The following FREM1 variants were observed in gnomAD, a reference collection of about 807,000 sequenced individuals.
The protein encoded by FREM1 is FRAS1 related extracellular matrix 1.
A neutral mutation model predicts 210.1 loss-of-function variants in FREM1; 220 were observed. The observed-to-expected ratio is 1.05, with a 90% confidence interval of 0.94 to 1.17. The LOEUF (loss-of-function observed/expected upper bound fraction) is 1.17. Ranked by LOEUF, FREM1 falls within the 50% of genes most tolerant of loss-of-function variation. The pLI is 0.00. For missense variants in FREM1, 3,454 were observed against 2,675.5 expected (o/e 1.29, Z -6.42); for synonymous variants, 1,189 against 980.2 (o/e 1.21, Z -3.98).
At chr9:14,824,167 G>C in intron 11 of FREM1, 52 bp from the exon 12 acceptor site, 1 of 1,135,848 alleles carries the variant, frequency 8.8e-7, no homozygotes, top group Non-Finnish European at 1.3e-6. Context: ...TAAGAAAAAT[G>C]AAATCGAATA....
chr9:14,784,665 T>A, intron 23 of FREM1, 31 bp from the exon 24 acceptor site: 2 of 1,463,764 alleles, frequency 1.4e-6, no homozygotes, highest in South Asian at 1.6e-5. Context: ...TGGTCAATAA[T>A]CATATCAAAA....
intron 1 of FREM1, among the ~76,000 whole-genome samples, chr9:14,894,304 A>C: frequency 6.6e-6 from 1 of 152,362 alleles, no homozygotes; most frequent in East Asian, 1.9e-4. Flanking sequence ...AAATTGTTGT[A>C]TGCCACAGAA....
chr9:14,880,826 C>A (rs1476693909), intron 1 of FREM1, among the ~76,000 whole-genome samples: 1 of 152,070 alleles, frequency 6.6e-6, no homozygotes, highest in Non-Finnish European at 1.5e-5. Flanking sequence ...GCAAAGCAAT[C>A]CTATCTCAGA....
At chr9:14,771,310 G>C (rs1235942543) in intron 25 of FREM1, among the ~76,000 whole-genome samples, 2 of 151,974 alleles carry the variant, frequency 1.3e-5, no homozygotes, top group African/African-American at 4.8e-5. Context: ...AATTTTTTTG[G>C]CATGTCTTTT....
At chr9:14,823,704 T>G (rs1426144182) in intron 12 of FREM1, among the ~76,000 whole-genome samples, 1 of 152,158 alleles carries the variant, frequency 6.6e-6, no homozygotes, top group Non-Finnish European at 1.5e-5. Flanking sequence ...ACTAATACAG[T>G]AAGATACTGA....
intron 27 of FREM1, among the ~76,000 whole-genome samples, chr9:14,763,762 A>G (rs866776382): frequency 6.6e-6 from 1 of 152,224 alleles, no homozygotes. Flanking sequence ...ATTTTTCCAG[A>G]GCATGTACCA....
chr9:14,757,722 T>C (rs1295545880), intron 28 of FREM1, among the ~76,000 whole-genome samples: 1 of 152,200 alleles, frequency 6.6e-6, no homozygotes, highest in Non-Finnish European at 1.5e-5. Context: ...AAGTGCATAA[T>C]GAAAAGCTGA....
rs528869088 is a variant in FREM1 at position 14,836,130 on chromosome 9, C to T, written c.1881+5317G>A. Among the ~76,000 whole-genome samples the T allele has an allele frequency of 2.0e-5, 3 of 152,286 alleles. No homozygotes were observed. The highest frequency in any genetic ancestry group is 2.1e-4 in the South Asian group (1 of 4,822). On this transcript the variant is annotated intron_variant, in intron 10 of 36. Transcript: ENST00000380880. This position sits in a 1 kb window ranked among gnomAD's most constrained non-coding sequence, Gnocchi z 4.9. The stretch of plus-strand genomic sequence containing the variant: ...TAAAACCAAGGAACTTCATAGACCC[C>T]CAAAGGGGAGTTCTCTATCTTGGCA...
At position 14,757,384 on chromosome 9, in the gene FREM1, G is replaced by A. The variant is rs568352956; in HGVS notation, c.5335-938C>T. ...AACCTGGCCAACATGGTGAAACCCC[G>A]TCTCTACCAAAAACAAAAAAATTGG... On this transcript the variant is annotated intron_variant, in intron 28 of 36. Transcript: ENST00000380880. 2.6e-5 allele frequency among the ~76,000 whole-genome samples: 4 copies of A among 152,158 alleles called. No individual in the cohort carries two copies. The South Asian group carries it at 6.2e-4, about 24-fold the overall frequency.
intron 19 of FREM1, among the ~76,000 whole-genome samples, chr9:14,802,666 G>A (rs1182394619): frequency 6.6e-6 from 1 of 151,966 alleles, no homozygotes; most frequent in Non-Finnish European, 1.5e-5. Context: ...AGGATTGAGA[G>A]AACAAAAAAG....
At chr9:14,759,049 T>A (rs1243818769) in intron 28 of FREM1, among the ~76,000 whole-genome samples, 1 of 152,102 alleles carries the variant, frequency 6.6e-6, no homozygotes, top group East Asian at 1.9e-4. Context: ...GGACTGAAAT[T>A]TGCTCTGGGT....
intron 12 of FREM1, 23 bp downstream of exon 12, chr9:14,824,002 A>T: frequency 6.8e-7 from 1 of 1,470,540 alleles, no homozygotes; most frequent in African/African-American, 1.4e-5. Context: ...CATGTTTGTC[A>T]GCATTTTAGC....
intron 16 of FREM1, among the ~76,000 whole-genome samples, chr9:14,810,961 C>T (rs750957708): frequency 6.6e-6 from 1 of 152,066 alleles, no homozygotes; most frequent in Non-Finnish European, 1.5e-5. Context: ...TAAAGTAATG[C>T]TAATAAAATT....
chr9:14,842,523 G>A lies in FREM1; in HGVS notation c.1531C>T (p.Pro511Ser). ...TCATCTTTGGGCAAGACGTTGATGG[G>A]GAATTTGTGACGGATGCTGTGATGG... ...DGHHSIRHKF[P>S]INVLPKDDSP... Residue 511 changes from proline to serine, a missense_variant, in exon 9 of 37, where the codon CCC becomes TCC. By Grantham distance (74) the Pro-to-Ser change is moderately conservative (BLOSUM62 -1). Coordinates refer to ENST00000380880, the MANE Select transcript of FREM1 (RefSeq NM_001379081.2). The A allele has an allele frequency of 1.2e-6, 2 of 1,614,002 alleles. No homozygotes were observed. Among genetic ancestry groups the A allele is most frequent in the Non-Finnish European group, 1.7e-6 (2 of 1,179,880 alleles).
Position 14,823,323 on chromosome 9 carries a change from G to C in FREM1, c.2174C>G (p.Ala725Gly). 5 of 1,612,828 alleles carry C rather than the reference G, an allele frequency of 3.1e-6. No individual in the cohort carries two copies. Among genetic ancestry groups the C allele is most frequent in the Non-Finnish European group, 4.2e-6 (5 of 1,179,146 alleles). Residue 725 changes from alanine to glycine, a missense_variant, in exon 13 of 37, where the codon GCT (alanine) becomes GGT (glycine). Ala to Gly is a moderately conservative substitution (Grantham distance 60). Coordinates refer to ENST00000380880, the MANE Select transcript of FREM1 (RefSeq NM_001379081.2). ...ALELRSFTQH[A>G]VNYMKVAYMP... ...GTAGGCCACTTTCATATAGTTCACA[G>C]CATGCTGCAAAGTAAGTTGAGATGG... is the stretch of plus-strand genomic sequence containing the variant.
chr9:14,801,213 G>A (rs181376023), intron 20 of FREM1, among the ~76,000 whole-genome samples: 1 of 152,144 alleles, frequency 6.6e-6, no homozygotes, highest in Admixed American at 6.5e-5. Context: ...GGCCAGGCTG[G>A]TGTCAAATTC....
intron 23 of FREM1, 101 bp from the exon 24 acceptor site, chr9:14,784,735 A>G: frequency 1.3e-6 from 1 of 763,610 alleles, no homozygotes; most frequent in Non-Finnish European, 1.9e-6. Context: ...AAAAATCAAA[A>G]TTAATACGAC....
intron 26 of FREM1, 46 bp from the exon 27 acceptor site, chr9:14,769,914 T>C (rs1406855432): frequency 1.0e-6 from 1 of 986,246 alleles, no homozygotes; most frequent in Non-Finnish European, 1.5e-6. Context: ...AAACAAAACA[T>C]TAAATAAAAG....
In FREM1 at chr9:14,787,349, C is replaced by A. The variant is rs116843593; in HGVS notation, c.4177+1570G>T. ...AGAAACAAAGAAGAAAAAATTTGAACTGAAAATGTTAATAGGATAATGTGT... is the reference window on the plus strand; with the variant it reads ...AGAAACAAAGAAGAAAAAATTTGAAATGAAAATGTTAATAGGATAATGTGT... On this transcript the variant is annotated intron_variant, in intron 23 of 36. Coordinates refer to ENST00000380880, the MANE Select transcript of FREM1 (RefSeq NM_001379081.2). 5.0e-3 allele frequency among the ~76,000 whole-genome samples: 766 copies of A among 152,240 alleles called. 7 individuals carry two copies. The highest frequency in any genetic ancestry group is 8.1e-3 in the South Asian group (39 of 4,826).
Sources: gnomAD v4.1 joint callset for allele counts (sites outside exome capture counted in the v4.1 genomes callset) on GRCh38, gnomAD v4.1.1 for gene constraint, Gnocchi (gnomAD v3.1) non-coding constraint, MANE v1.5 for transcripts, NCBI Gene and HGNC (gene_info 2026-07-23, HGNC 2026-07-21) for gene names.